The following ZNF148 variants were observed in gnomAD, a reference collection of about 807,000 sequenced individuals.
ZNF148 encodes the protein zinc finger protein 148.
A neutral mutation model predicts 67.7 loss-of-function variants in ZNF148; 7 were observed. The ratio of observed to expected loss-of-function variants is 0.10; its 90% CI spans 0.06 to 0.19. The LOEUF is 0.19. ZNF148 is among the 10% of genes least tolerant of loss of function. The pLI is 1.00. For missense variants in ZNF148, 583 were observed against 947.1 expected, an observed-to-expected ratio of 0.62 and a Z score of 5.05; for synonymous variants, 333 against 330.7, an observed-to-expected ratio of 1.01 and a Z score of -0.08.
chr3:125,313,704 G>A (rs766472013), intron 3 of ZNF148, 48 bp from the exon 4 acceptor site: 1 of 1,377,452 alleles, frequency 7.3e-7, no homozygotes, highest in Non-Finnish European at 9.9e-7. Context: ...AGTTTTATAT[G>A]ACTACTTCAT....
intron 7 of ZNF148, among the ~76,000 whole-genome samples, chr3:125,237,304 GGGTGC>G (rs1217760013): frequency 1.3e-5 from 2 of 152,138 alleles, no homozygotes; most frequent in African/African-American, 4.8e-5. Context: ...TGGTAAAGCT[GGGTGC>G]AGTGGCTCAT....
chr3:125,259,951 C>T (rs1206021476), intron 7 of ZNF148, among the ~76,000 whole-genome samples: 1 of 152,136 alleles, frequency 6.6e-6, no homozygotes, highest in Non-Finnish European at 1.5e-5. Flanking sequence ...CACTTAGAGG[C>T]CACTGCAGGG....
At position 125,372,987 on chromosome 3, in the gene ZNF148, A is replaced by T. The variant is rs542474765; in HGVS notation, c.-234+2115T>A. Reference sequence around the variant, plus strand: ...GTCTCAAAAAAATAAATAAATAAAAATTTTTTTAAAAAGGGTAGAAAGACA... The same window carrying T: ...GTCTCAAAAAAATAAATAAATAAAATTTTTTTTAAAAAGGGTAGAAAGACA... On this transcript the variant is annotated intron_variant, in intron 1 of 8. Coordinates refer to ENST00000360647, the MANE Select transcript of ZNF148 (RefSeq NM_021964.3). Among the ~76,000 whole-genome samples, 44 of 152,160 alleles carry T rather than the reference A, an allele frequency of 2.9e-4. No homozygotes were observed. The South Asian group carries it at 7.7e-3, about 27-fold the overall frequency.
At chr3:125,241,488 T>G (rs1936357779) in intron 7 of ZNF148, among the ~76,000 whole-genome samples, 1 of 152,294 alleles carries the variant, frequency 6.6e-6, no homozygotes, top group Non-Finnish European at 1.5e-5. Context: ...TTTCTACTTT[T>G]CCCTCATTCT....
At chr3:125,373,908 G>A (rs1025426236) in intron 1 of ZNF148, among the ~76,000 whole-genome samples, 4 of 152,148 alleles carry the variant, frequency 2.6e-5, no homozygotes. Flanking sequence ...CTTGTGTACT[G>A]CAATCCAGGC....
rs137999802 is a variant in ZNF148, at chr3:125,279,520, G to A, written c.460-273C>T. Among the ~76,000 whole-genome samples the A allele has an allele frequency of 1.9e-3, 282 of 152,188 alleles. 1 individual carries two copies. Among genetic ancestry groups the A allele is most frequent in the African/African-American group, 6.2e-3 (257 of 41,544 alleles). On this transcript the variant is annotated intron_variant, in intron 5 of 8. Coordinates refer to ENST00000360647, the MANE Select transcript of ZNF148 (RefSeq NM_021964.3). ...GCCTTCTCCTCTGTAATGCTTATGC[G>A]TGATGGAGTTCCTAAGTCTTCAGTT...
At chr3:125,257,200 T>C (rs773834025) in intron 7 of ZNF148, among the ~76,000 whole-genome samples, 1 of 152,134 alleles carries the variant, frequency 6.6e-6, no homozygotes, top group East Asian at 1.9e-4. Flanking sequence ...GTAACTTTTA[T>C]TGGATGAGAA....
chr3:125,246,271 C>T (rs1250845996), intron 7 of ZNF148, among the ~76,000 whole-genome samples: 1 of 152,064 alleles, frequency 6.6e-6, no homozygotes, highest in Non-Finnish European at 1.5e-5. Flanking sequence ...CACTTGACAA[C>T]ACAAGGAAAC....
intron 5 of ZNF148, among the ~76,000 whole-genome samples, chr3:125,282,387 T>C (rs1199217045): frequency 6.6e-6 from 1 of 152,148 alleles, no homozygotes; most frequent in African/African-American, 2.4e-5. Flanking sequence ...CCATTACAAC[T>C]GAAGAATTTT....
chr3:125,365,916 T>C (rs1359846076), intron 1 of ZNF148, among the ~76,000 whole-genome samples: 1 of 152,226 alleles, frequency 6.6e-6, no homozygotes, highest in Non-Finnish European at 1.5e-5. Context: ...ATTCTAATCC[T>C]ACTGCTATCA....
intron 2 of ZNF148, among the ~76,000 whole-genome samples, chr3:125,326,772 A>G (rs1004854234): frequency 5.4e-5 from 8 of 147,704 alleles, no homozygotes; most frequent in South Asian, 4.2e-4. Context: ...AGATATATAT[A>G]TCTTTATATA....
At chr3:125,254,455 T>C (rs1026934645) in intron 7 of ZNF148, among the ~76,000 whole-genome samples, 3 of 152,336 alleles carry the variant, frequency 2.0e-5, no homozygotes, top group Non-Finnish European at 2.9e-5. Context: ...CTTGTACTAC[T>C]GATTATTGAT....
At chr3:125,243,136 C>T (rs2168237) in intron 7 of ZNF148, among the ~76,000 whole-genome samples, 120,428 of 152,106 alleles carry the variant, frequency 0.79, 48,525 homozygotes, top group African/African-American at 0.92. Context: ...AAAAGATACG[C>T]CTTCCCATTT....
chr3:125,360,434 C>T (rs1237752769), intron 1 of ZNF148, among the ~76,000 whole-genome samples: 3 of 152,024 alleles, frequency 2.0e-5, no homozygotes. Flanking sequence ...TATAGGTGTG[C>T]ACCACCATGC....
intron 7 of ZNF148, among the ~76,000 whole-genome samples, chr3:125,256,678 AAAAAC>A (rs1221828672): frequency 2.0e-5 from 3 of 152,280 alleles, no homozygotes; most frequent in South Asian, 2.1e-4. Flanking sequence ...TCCATCTCAA[AAAAAC>A]AAAACAAAAC....
chr3:125,294,654 T>C (rs887426278), intron 4 of ZNF148, among the ~76,000 whole-genome samples: 1 of 152,156 alleles, frequency 6.6e-6, no homozygotes, highest in Non-Finnish European at 1.5e-5. Flanking sequence ...AAGATATTAA[T>C]ACAATACATG....
intron 4 of ZNF148, among the ~76,000 whole-genome samples, chr3:125,292,057 T>G (rs552406596): frequency 6.6e-6 from 1 of 152,282 alleles, no homozygotes; most frequent in South Asian, 2.1e-4. Flanking sequence ...AGATTTAAAT[T>G]TAATTTGCAT....
chr3:125,266,354 T>A (rs1020822841), intron 7 of ZNF148, among the ~76,000 whole-genome samples: 1 of 152,082 alleles, frequency 6.6e-6, no homozygotes, highest in Non-Finnish European at 1.5e-5. Flanking sequence ...TTCAAAAAAA[T>A]GGAAGTCATA....
intron 7 of ZNF148, among the ~76,000 whole-genome samples, chr3:125,243,746 G>A (rs993333364): frequency 1.3e-5 from 2 of 151,978 alleles, no homozygotes; most frequent in Non-Finnish European, 2.9e-5. Flanking sequence ...GACTGGTCTC[G>A]AATTCCTGGC....
Sources: gnomAD v4.1 joint callset for allele counts (sites outside exome capture counted in the v4.1 genomes callset) on GRCh38, gnomAD v4.1.1 for gene constraint, MANE v1.5 for transcripts, NCBI Gene and HGNC (gene_info 2026-07-23, HGNC 2026-07-21) for gene names.